EVA1C: variants seen among roughly 807,000 people sequenced by gnomAD.
The protein encoded by EVA1C is protein eva-1 homolog C.
A neutral mutation model predicts 45.4 loss-of-function variants in EVA1C; 25 were observed. That is an observed-to-expected ratio of 0.55 (90% CI 0.40 to 0.77). The LOEUF (loss-of-function observed/expected upper bound fraction) is 0.77. Ranked by LOEUF, EVA1C falls within the 30% of genes least tolerant of loss-of-function variation. The probability of loss-of-function intolerance (pLI) is 0.00; values close to 1 mark genes in which losing one functional copy is unlikely to be tolerated. For synonymous variants in EVA1C, 190 were observed against 221.2 expected (o/e 0.86, Z 1.25); for missense variants, 479 against 554.8 (o/e 0.86, Z 1.37).
chr21:32,443,708 C>G, intron 1 of EVA1C, among the ~76,000 whole-genome samples: 1 of 152,170 alleles, frequency 6.6e-6, no homozygotes, highest in East Asian at 1.9e-4. Flanking sequence ...GTCATACACC[C>G]TAATTCCTAG....
chr21:32,494,545 G>A (rs1000494465), intron 4 of EVA1C, among the ~76,000 whole-genome samples: 2 of 152,168 alleles, frequency 1.3e-5, no homozygotes, highest in Non-Finnish European at 2.9e-5. Flanking sequence ...CACTTTGGGA[G>A]GCCGAAGCAG....
chr21:32,460,385 A>G (rs2035955024), intron 3 of EVA1C, among the ~76,000 whole-genome samples: 1 of 152,140 alleles, frequency 6.6e-6, no homozygotes, highest in Non-Finnish European at 1.5e-5. Flanking sequence ...CTATCACAGC[A>G]TCCTATTTTT....
intron 4 of EVA1C, among the ~76,000 whole-genome samples, chr21:32,476,817 C>T (rs2036585712): frequency 1.3e-5 from 2 of 152,146 alleles, no homozygotes; most frequent in Admixed American, 1.3e-4. Context: ...ACACACACTC[C>T]TGAGCATTTC....
intron 1 of EVA1C, among the ~76,000 whole-genome samples, chr21:32,432,907 T>C (rs1435939585): frequency 6.6e-6 from 1 of 151,430 alleles, no homozygotes; most frequent in Non-Finnish European, 1.5e-5. Context: ...TTTATTTTAG[T>C]TTTCTGTAGA....
chr21:32,504,137 C>T, intron 7 of EVA1C, 122 bp downstream of exon 7: 1 of 671,096 alleles, frequency 1.5e-6, no homozygotes, highest in Non-Finnish European at 2.6e-6. Context: ...GTTTAACATG[C>T]CAACCACCAC....
chr21:32,491,440 G>A (rs1191523325), intron 4 of EVA1C, among the ~76,000 whole-genome samples: 1 of 151,928 alleles, frequency 6.6e-6, no homozygotes, highest in East Asian at 1.9e-4. Flanking sequence ...TGTAATCCCA[G>A]CACTTTGGGC....
At chr21:32,439,796 A>C (rs2035106241) in intron 1 of EVA1C, among the ~76,000 whole-genome samples, 1 of 152,160 alleles carries the variant, frequency 6.6e-6, no homozygotes, top group Non-Finnish European at 1.5e-5. Flanking sequence ...CATCTTCAAA[A>C]TAGATTTTTG....
At chr21:32,415,657 C>G (rs1274694993) in intron 1 of EVA1C, among the ~76,000 whole-genome samples, 1 of 152,034 alleles carries the variant, frequency 6.6e-6, no homozygotes, top group Non-Finnish European at 1.5e-5. Flanking sequence ...TGGCCCCCTC[C>G]TCCTCCCTGT....
intron 6 of EVA1C, among the ~76,000 whole-genome samples, chr21:32,502,020 CTT>C (rs780704228): frequency 3.7e-5 from 5 of 135,642 alleles, no homozygotes; most frequent in Non-Finnish European, 7.7e-5. Flanking sequence ...TTCTTTCTTT[CTT>C]TCTTTCTTTC....
At chr21:32,454,767 A>G (rs2035717344) in intron 2 of EVA1C, among the ~76,000 whole-genome samples, 1 of 152,118 alleles carries the variant, frequency 6.6e-6, no homozygotes, top group African/African-American at 2.4e-5. Context: ...AATGCTGTGT[A>G]GCTCTCCCTA....
intron 2 of EVA1C, 54 bp downstream of exon 2, chr21:32,453,562 C>T: frequency 2.4e-6 from 3 of 1,237,112 alleles, no homozygotes; most frequent in Admixed American, 1.9e-5. Flanking sequence ...CACACTCTTT[C>T]TCTCTCTCTG....
intron 2 of EVA1C, among the ~76,000 whole-genome samples, chr21:32,455,701 AC>A (rs1479757364): frequency 6.6e-6 from 1 of 152,102 alleles, no homozygotes; most frequent in Non-Finnish European, 1.5e-5. Context: ...GAGCATGGGC[AC>A]CACCTGCACC....
At chr21:32,435,095 C>T (rs1348351465) in intron 1 of EVA1C, among the ~76,000 whole-genome samples, 2 of 152,292 alleles carry the variant, frequency 1.3e-5, no homozygotes, top group African/African-American at 4.8e-5. Context: ...CTCTAGGGAA[C>T]CTCTCATGCC....
rs1440045753 is a variant in EVA1C at position 32,467,362 on chromosome 21, C to T, written c.482-334C>T. ...CCCCTTCAGTGAAGGAATGTGTGACCTTAAGTGGTGAGTGAGAGAAACTTC... is the reference window on the plus strand; with the variant it reads ...CCCCTTCAGTGAAGGAATGTGTGACTTTAAGTGGTGAGTGAGAGAAACTTC... On this transcript the variant is annotated intron_variant, in intron 3 of 7. Coordinates refer to ENST00000300255, the MANE Select transcript of EVA1C (RefSeq NM_058187.5). Among the ~76,000 whole-genome samples the T allele has an allele frequency of 7.2e-5, 11 of 152,262 alleles. No homozygotes were observed. In the South Asian group the frequency reaches 2.1e-3, roughly 29 times the overall value.
chr21:32,499,400 G>A (rs892444135), intron 5 of EVA1C, among the ~76,000 whole-genome samples: 1 of 152,184 alleles, frequency 6.6e-6, no homozygotes, highest in African/African-American at 2.4e-5. Context: ...ACAGCCAAGG[G>A]ACATTCCTCA....
chr21:32,477,696 TCTCACCTCCCCCGTACGCC>T (rs758331655), intron 4 of EVA1C, among the ~76,000 whole-genome samples: 4,689 of 82,468 alleles, frequency 0.057, 370 homozygotes, highest in East Asian at 0.068. Context: ...AGCCATACGC[TCTCACCTCCCCCGTACGCC>T]CTCACCTCCC....
chr21:32,454,795 G>T (rs187232307), intron 2 of EVA1C, among the ~76,000 whole-genome samples: 1 of 151,498 alleles, frequency 6.6e-6, no homozygotes, highest in Non-Finnish European at 1.5e-5. Context: ...AACAGGAGAC[G>T]CAAACTAATG....
upstream of EVA1C, chr21:32,412,093 T>G (rs2033842792): frequency 6.6e-6 from 1 of 152,300 alleles, no homozygotes; most frequent in Non-Finnish European, 1.5e-5. Context: ...TCCGGAGCCA[T>G]CTGACCGGTT....
chr21:32,430,061 C>A (rs2034639197), intron 1 of EVA1C, among the ~76,000 whole-genome samples: 1 of 152,156 alleles, frequency 6.6e-6, no homozygotes, highest in African/African-American at 2.4e-5. Flanking sequence ...GAGACTAGGG[C>A]AGGGCAGAGG....
Sources: allele counts gnomAD v4.1 joint callset (sites outside exome capture counted in the v4.1 genomes callset), GRCh38; gene constraint gnomAD v4.1.1; transcripts MANE v1.5; gene names NCBI Gene and HGNC (gene_info 2026-07-23, HGNC 2026-07-21).